HERC1: variants seen among roughly 807,000 people sequenced by gnomAD.
HERC1 encodes the protein HECT and RLD domain containing E3 ubiquitin protein ligase family member 1.
Under a neutral mutation model 554.3 loss-of-function variants are expected in HERC1, and 160 were observed. The ratio of observed to expected loss-of-function variants is 0.29; its 90% CI spans 0.25 to 0.33. The LOEUF (loss-of-function observed/expected upper bound fraction) is 0.33. HERC1 is among the 10% of genes least tolerant of loss of function. The pLI is 1.00. For missense variants in HERC1, 4,919 were observed against 5,918.5 expected, an observed-to-expected ratio of 0.83 and a Z score of 5.54; for synonymous variants, 2,175 against 2,131.7, an observed-to-expected ratio of 1.02 and a Z score of -0.56.
At chr15:63,753,927 A>T (rs758303265) in intron 7 of HERC1, among the ~76,000 whole-genome samples, 10 of 152,206 alleles carry the variant, frequency 6.6e-5, no homozygotes, top group Non-Finnish European at 1.3e-4. Context: ...TAATACAAGC[A>T]CTTTGGGAGA....
intron 38 of HERC1, 58 bp from the exon 39 acceptor site, chr15:63,672,752 A>C (rs550752582): frequency 8.3e-7 from 1 of 1,202,720 alleles, no homozygotes; most frequent in African/African-American, 1.5e-5. Context: ...CAAAAATAAC[A>C]GCGGGAATAA....
Position 63,616,894 on chromosome 15 carries a change from G to A in HERC1, c.13689-212C>T, listed in dbSNP as rs142560537. On this transcript the variant is annotated intron_variant, in intron 74 of 77. Coordinates refer to ENST00000443617, the MANE Select transcript of HERC1 (RefSeq NM_003922.4). Reference sequence around the variant, plus strand: ...AGTTCTCAAAAGCCACATGTGGACCGTAGTTATTGTTTCACACAGCACATG... The same window carrying A: ...AGTTCTCAAAAGCCACATGTGGACCATAGTTATTGTTTCACACAGCACATG... Among the ~76,000 whole-genome samples the A allele has an allele frequency of 3.6e-3, 555 of 152,212 alleles. 3 individuals are homozygous for A. The highest frequency in any genetic ancestry group is 0.014 in the Middle Eastern group (4 of 294).
chr15:63,718,515 T>C lies in HERC1; in HGVS notation c.3978+59A>G. On this transcript the variant is annotated intron_variant, in intron 21 of 77. Coordinates refer to ENST00000443617, the MANE Select transcript of HERC1 (RefSeq NM_003922.4). The surrounding 1 kb of genome is among the most constrained non-coding windows in gnomAD (Gnocchi z 4.2). ...CATTTTTTTCTCACATAAACCAATT[T>C]AGAGCTAGCTCTCACAGCTTGCAGA... is the stretch of plus-strand genomic sequence containing the variant. 2 of 1,494,002 alleles carry C rather than the reference T, an allele frequency of 1.3e-6. No individual in the cohort carries two copies. The highest frequency in any genetic ancestry group is 1.8e-6 in the Non-Finnish European group (2 of 1,113,500). The allele number at this position is 1,494,002 out of a possible 1,614,324, so 92.5% of individuals were successfully genotyped here.
chr15:63,811,809 CA>C (rs374847616), intron 1 of HERC1, among the ~76,000 whole-genome samples: 24,498 of 77,060 alleles, frequency 0.32, 1,095 homozygotes, highest in Middle Eastern at 0.42. Context: ...ACTCCGTCTC[CA>C]AAAAAAAAAA....
At chr15:63,782,874 G>A (rs2076326674) in intron 1 of HERC1, among the ~76,000 whole-genome samples, 1 of 152,176 alleles carries the variant, frequency 6.6e-6, no homozygotes. Flanking sequence ...AGACTTCAGT[G>A]GAGGAAGTAA....
rs762309385 is a variant in HERC1, at chr15:63,713,371, C to G, written c.4445G>C (p.Gly1482Ala). 7.4e-6 allele frequency: 12 copies of G among 1,613,744 alleles called. No individual in the cohort carries two copies. The highest frequency in any genetic ancestry group is 4.0e-5 in the African/African-American group (3 of 74,936). The change falls in exon 23 of 78, where the codon GGG becomes GCG. Residue 1482 changes from glycine to alanine, a missense_variant. Around this residue, in one of 11 missense-constraint regions of HERC1, gnomAD observed 1,121 missense variants for 1,244.0 expected, o/e 0.90. Transcript: ENST00000443617. ...GTCCCACCTGGTCATAAGTCCACCCCCTTCAGAGGCACTTGTTGAAGGTTG... is the reference window on the plus strand; with the variant it reads ...GTCCCACCTGGTCATAAGTCCACCCGCTTCAGAGGCACTTGTTGAAGGTTG... ...LQQPSTSASE[G>A]GGLMTRSESL...
chr15:63,661,419 G>T (rs1052476715), intron 45 of HERC1, among the ~76,000 whole-genome samples: 1 of 152,148 alleles, frequency 6.6e-6, no homozygotes, highest in African/African-American at 2.4e-5. Context: ...TCAGGAAAAA[G>T]ATCTTAATTA....
At chr15:63,691,193 T>C (rs769865272) in intron 31 of HERC1, among the ~76,000 whole-genome samples, 79 of 152,318 alleles carry the variant, frequency 5.2e-4, no homozygotes, top group Middle Eastern at 3.4e-3. Context: ...CAGCCGGGCA[T>C]GGTGACCCAT....
At chr15:63,764,269 AAAC>A (rs761763593) in intron 2 of HERC1, 78 bp from the exon 3 acceptor site, 2 of 914,832 alleles carry the variant, frequency 2.2e-6, no homozygotes, top group South Asian at 1.4e-5. Flanking sequence ...CAGTCTACAA[AAAC>A]AACACCTATT....
At chr15:63,617,822 T>C (rs1274525833) in intron 74 of HERC1, among the ~76,000 whole-genome samples, 5 of 152,252 alleles carry the variant, frequency 3.3e-5, no homozygotes, top group Non-Finnish European at 7.3e-5. Flanking sequence ...GAGAAGTGTC[T>C]GTTCATATCT....
At position 63,658,650 on chromosome 15, in the gene HERC1, C is replaced by A. The variant is rs80032429; in HGVS notation, c.9493G>T (p.Ala3165Ser). ...ITLGEQAAAL[A>S]NPHDRVVALR... ...GCCACCACACGGTCATGAGGGTTTG[C>A]TAGGGCAGCTGCCTGCTCTCCTAAC... Residue 3165 changes from alanine (A) to serine (S), a missense_variant, in exon 48 of 78, where the codon GCA (alanine) becomes TCA (serine). Coordinates refer to ENST00000443617, the MANE Select transcript of HERC1 (RefSeq NM_003922.4). The A allele has an allele frequency of 3.0e-3, 4,824 of 1,613,828 alleles. 7 individuals carry two copies. The highest frequency in any genetic ancestry group is 3.3e-3 in the Non-Finnish European group (3,863 of 1,179,730).
At chr15:63,789,099 TTTTTTTTTTG>T (rs1443233070) in intron 1 of HERC1, among the ~76,000 whole-genome samples, 17 of 123,998 alleles carry the variant, frequency 1.4e-4, no homozygotes, top group African/African-American at 5.3e-4. Flanking sequence ...TTTTTTTTTT[TTTTTTTTTTG>T]AGACGGAGTC....
chr15:63,675,555 T>C (rs754186438), intron 37 of HERC1, among the ~76,000 whole-genome samples: 26 of 152,216 alleles, frequency 1.7e-4, no homozygotes, highest in Non-Finnish European at 5.9e-5. Context: ...CAGATGTAGT[T>C]TGATGTAAGC....
intron 1 of HERC1, among the ~76,000 whole-genome samples, chr15:63,826,799 AAAAAAAAAAAAAAAAATAT>A (rs1286386421): frequency 5.0e-5 from 4 of 79,578 alleles, no homozygotes; most frequent in South Asian, 7.6e-4. Context: ...AAAAAAAAAA[AAAAAAAAAAAAAAAAATAT>A]ATATATATAT....
chr15:63,760,900 A>C lies in HERC1; in HGVS notation c.1027-2531T>G, dbSNP rs2075589591. 2.0e-5 allele frequency among the ~76,000 whole-genome samples: 3 copies of C among 152,196 alleles called. No homozygotes were observed. In the South Asian group the frequency reaches 6.2e-4, roughly 31 times the overall value. ...TTCTATAGTAAAATTACTGATCTTT[A>C]AAGAGAAAAAAAAATCCTTTGGGCT... On this transcript the variant is annotated intron_variant, in intron 3 of 77. Transcript: ENST00000443617.
chr15:63,670,591 G>C (rs2070860512), intron 39 of HERC1, among the ~76,000 whole-genome samples: 1 of 152,096 alleles, frequency 6.6e-6, no homozygotes. Flanking sequence ...AAGAAATGAG[G>C]AGTCATAAGT....
chr15:63,619,921 T>G (rs1218237919), intron 74 of HERC1, among the ~76,000 whole-genome samples: 1 of 152,174 alleles, frequency 6.6e-6, no homozygotes, highest in Non-Finnish European at 1.5e-5. Context: ...GTCTATCAAT[T>G]TTGTTGATCT....
At chr15:63,719,566 T>A (rs2073720815) in intron 19 of HERC1, among the ~76,000 whole-genome samples, 1 of 152,246 alleles carries the variant, frequency 6.6e-6, no homozygotes, top group South Asian at 2.1e-4. Context: ...TTTTGAAAGC[T>A]CACTCTGCTG....
chr15:63,619,341 G>A (rs1595828955), intron 74 of HERC1, among the ~76,000 whole-genome samples: 2 of 152,224 alleles, frequency 1.3e-5, no homozygotes, highest in East Asian at 3.8e-4. Context: ...TCCCAGGGAT[G>A]AAGCCCACTT....
Sources: allele counts gnomAD v4.1 joint callset (sites outside exome capture counted in the v4.1 genomes callset), GRCh38; gene constraint gnomAD v4.1.1; regional missense constraint gnomAD v4.1.1; non-coding constraint Gnocchi (gnomAD v3.1); transcripts MANE v1.5; gene names NCBI Gene and HGNC (gene_info 2026-07-23, HGNC 2026-07-21).